LYPD6B: variants seen among roughly 807,000 people sequenced by gnomAD.
LYPD6B encodes ly6/PLAUR domain-containing protein 6B.
Under a neutral mutation model 22.8 loss-of-function variants are expected in LYPD6B, and 17 were observed. That is an observed-to-expected ratio of 0.75 (90% CI 0.51 to 1.12). LYPD6B has a LOEUF of 1.12. LYPD6B is among the 50% of genes most tolerant of loss of function. LYPD6B has a pLI of 0.00. For missense variants in LYPD6B, 221 were observed against 258.3 expected (o/e 0.86, Z 0.99); for synonymous variants, 106 against 91.6 (o/e 1.16, Z -0.90).
At chr2:149,103,786 T>TTG (rs1190552009) in intron 1 of LYPD6B, among the ~76,000 whole-genome samples, 1 of 144,880 alleles carries the variant, frequency 6.9e-6, no homozygotes, top group Admixed American at 6.9e-5. Flanking sequence ...TTTTTTTTTT[T>TTG]TTTTTTTTGA....
In LYPD6B at chr2:149,182,384, G is replaced by A. The variant is rs189398222; in HGVS notation, c.77+21549G>A. On this transcript the variant is annotated intron_variant, in intron 3 of 6. Coordinates refer to ENST00000409642, the MANE Select transcript of LYPD6B (RefSeq NM_177964.5). The stretch of plus-strand genomic sequence containing the variant: ...GTACTTCGTATAGATCTGTTTAATA[G>A]AACTTTGATTTCTGATATCCTCCAA... Among the ~76,000 whole-genome samples, 231 of 152,276 alleles carry A rather than the reference G, an allele frequency of 1.5e-3. 1 individual carries two copies. The highest frequency in any genetic ancestry group is 5.2e-3 in the African/African-American group (218 of 41,554).
chr2:149,175,053 C>CTGTG (rs1347438901), intron 3 of LYPD6B, among the ~76,000 whole-genome samples: 25 of 133,848 alleles, frequency 1.9e-4, no homozygotes, highest in Admixed American at 5.7e-4. Flanking sequence ...CTCTCTCTCT[C>CTGTG]TCTCTCTCTG....
intron 1 of LYPD6B, among the ~76,000 whole-genome samples, chr2:149,103,629 CCTTGGAAATCT>C (rs1686321026): frequency 6.6e-6 from 1 of 151,992 alleles, no homozygotes; most frequent in Non-Finnish European, 1.5e-5. Flanking sequence ...TTCTCTTGCC[CCTTGGAAATCT>C]CTACCTCCCA....
intron 3 of LYPD6B, among the ~76,000 whole-genome samples, chr2:149,184,124 G>A (rs1212865881): frequency 2.6e-5 from 4 of 151,968 alleles, no homozygotes; most frequent in Admixed American, 1.3e-4. Flanking sequence ...CCCAAGAGGT[G>A]GAGGTTGCAG....
intron 1 of LYPD6B, among the ~76,000 whole-genome samples, chr2:149,063,006 C>T (rs555234055): frequency 1.3e-5 from 2 of 151,964 alleles, no homozygotes; most frequent in South Asian, 2.1e-4. Flanking sequence ...CCCTCCTTCC[C>T]TTTCTCCCTC....
At chr2:149,083,549 C>T (rs892955440) in intron 1 of LYPD6B, among the ~76,000 whole-genome samples, 17 of 152,138 alleles carry the variant, frequency 1.1e-4, no homozygotes, top group African/African-American at 3.6e-4. Context: ...TTTTAAAGAA[C>T]GCCCCACATT....
intron 5 of LYPD6B, among the ~76,000 whole-genome samples, chr2:149,211,511 C>T (rs555831469): frequency 1.6e-4 from 25 of 152,118 alleles, no homozygotes; most frequent in Middle Eastern, 3.4e-3. Context: ...TGCTTGAACA[C>T]AAGTTATAGG....
intron 1 of LYPD6B, among the ~76,000 whole-genome samples, chr2:149,068,149 A>G (rs571384978): frequency 6.6e-6 from 1 of 152,324 alleles, no homozygotes; most frequent in East Asian, 1.9e-4. Flanking sequence ...CCTTTGTAGA[A>G]TAACTGGCTT....
chr2:149,131,529 A>G (rs1688029004), intron 2 of LYPD6B: 1 of 152,218 alleles, frequency 6.6e-6, no homozygotes, highest in Non-Finnish European at 1.5e-5. Flanking sequence ...AAGAGGAAAG[A>G]GAGAATTGTC....
rs1327065975 is a variant in LYPD6B, at chr2:149,120,383, A to ATATTTT, written c.-66-10499_-66-10498insATTTTT. 1.9e-3 allele frequency among the ~76,000 whole-genome samples: 91 copies of ATATTTT among 48,614 alleles called. 2 individuals are homozygous for ATATTTT. Among genetic ancestry groups the ATATTTT allele is most frequent in the African/African-American group, 2.3e-3 (22 of 9,406 alleles). 31.9% of individuals were successfully genotyped at this position (48,614 alleles called of 152,430 possible). ...TGTGTATATATATATATATATATATATTTTTTTTTTTTTTTTTTTGAGATG... is the reference window on the plus strand; with the variant it reads ...TGTGTATATATATATATATATATATATATTTTTTTTTTTTTTTTTTTTTTTGAGATG... On this transcript the variant is annotated intron_variant, in intron 1 of 6. Coordinates refer to ENST00000409642, the MANE Select transcript of LYPD6B (RefSeq NM_177964.5).
intron 1 of LYPD6B, among the ~76,000 whole-genome samples, chr2:149,127,555 A>C (rs1189834097): frequency 6.6e-6 from 1 of 152,056 alleles, no homozygotes; most frequent in Non-Finnish European, 1.5e-5. Flanking sequence ...CTTTCCACTT[A>C]CTATTTTGAT....
intron 1 of LYPD6B, among the ~76,000 whole-genome samples, chr2:149,065,369 A>G (rs1257214384): frequency 6.6e-6 from 1 of 152,234 alleles, no homozygotes; most frequent in Non-Finnish European, 1.5e-5. Context: ...AATCATGATT[A>G]TCTTAATTTC....
chr2:149,193,829 T>C (rs1031600483), intron 3 of LYPD6B, among the ~76,000 whole-genome samples: 2 of 152,172 alleles, frequency 1.3e-5, no homozygotes, highest in Admixed American at 1.3e-4. Context: ...TTTCAGTGAA[T>C]TTATTATATT....
chr2:149,156,364 C>CT (rs1689701630), intron 2 of LYPD6B, among the ~76,000 whole-genome samples: 1 of 152,174 alleles, frequency 6.6e-6, no homozygotes, highest in East Asian at 1.9e-4. Flanking sequence ...GTCCCCGTGA[C>CT]CTTTCCAGAC....
intron 3 of LYPD6B, among the ~76,000 whole-genome samples, chr2:149,181,885 T>C (rs1691748902): frequency 1.3e-5 from 2 of 152,174 alleles, no homozygotes; most frequent in African/African-American, 2.4e-5. Context: ...CAAATTCTTC[T>C]TTCTTCTCCC....
chr2:149,106,179 A>G (rs769160669), intron 1 of LYPD6B, among the ~76,000 whole-genome samples: 2 of 152,068 alleles, frequency 1.3e-5, no homozygotes, highest in African/African-American at 2.4e-5. Context: ...GTATTGTTAG[A>G]TTCAATTTGC....
At chr2:149,147,674 C>T (rs900726090) in intron 2 of LYPD6B, among the ~76,000 whole-genome samples, 6 of 151,984 alleles carry the variant, frequency 3.9e-5, no homozygotes, top group East Asian at 1.9e-4. Flanking sequence ...CCACCACGCC[C>T]GGCTAATTTT....
At chr2:149,051,482 T>A (rs1162294248) in intron 1 of LYPD6B, among the ~76,000 whole-genome samples, 1 of 152,166 alleles carries the variant, frequency 6.6e-6, no homozygotes, top group Admixed American at 6.5e-5. Flanking sequence ...TTATTTTTAA[T>A]GTATTTTGTA....
At chr2:149,214,203 C>A (rs1694052327) in intron 6 of LYPD6B, among the ~76,000 whole-genome samples, 1 of 152,190 alleles carries the variant, frequency 6.6e-6, no homozygotes, top group East Asian at 1.9e-4. Flanking sequence ...TCCTAGCTTT[C>A]ATTTTTGTCT....
Sources: allele counts gnomAD v4.1 joint callset (sites outside exome capture counted in the v4.1 genomes callset), GRCh38; gene constraint gnomAD v4.1.1; transcripts MANE v1.5; gene names NCBI Gene and HGNC (gene_info 2026-07-23, HGNC 2026-07-21).